Variants in VAC14 observed in about 807,000 individuals in gnomAD.
VAC14 encodes the protein VAC14 component of PIKFYVE complex.
In VAC14, 47 loss-of-function variants were observed where a neutral mutation model predicts 85.3. The ratio of observed to expected loss-of-function variants is 0.55; its 90% CI spans 0.44 to 0.70. The LOEUF (loss-of-function observed/expected upper bound fraction) is 0.70. VAC14 is among the 30% of genes least tolerant of loss of function. The pLI is 0.00. For synonymous variants in VAC14, 447 were observed against 430.5 expected (o/e 1.04, Z -0.47); for missense variants, 861 against 1,004.3 (o/e 0.86, Z 1.93).
intron 17 of VAC14, among the ~76,000 whole-genome samples, chr16:70,695,288 A>G (rs2053684338): frequency 2.0e-5 from 3 of 152,058 alleles, no homozygotes; most frequent in South Asian, 4.2e-4. Flanking sequence ...ATTTTTAAAA[A>G]ATTTTGTGCA....
At chr16:70,772,284 A>T in intron 9 of VAC14, 112 bp from the exon 10 acceptor site, 1 of 896,150 alleles carries the variant, frequency 1.1e-6, no homozygotes, top group Non-Finnish European at 1.8e-6. Context: ...ACCTTGATTC[A>T]GGCTCTTCAA....
At chr16:70,694,376 G>A (rs959178689) in intron 17 of VAC14, among the ~76,000 whole-genome samples, 3 of 152,200 alleles carry the variant, frequency 2.0e-5, no homozygotes, top group Non-Finnish European at 4.4e-5. Context: ...GAAGTGTCAC[G>A]CTGGGCACAC....
chr16:70,717,173 G>A (rs985843034), intron 14 of VAC14, among the ~76,000 whole-genome samples: 1 of 152,228 alleles, frequency 6.6e-6, no homozygotes, highest in African/African-American at 2.4e-5. Context: ...CCTTTTCAGG[G>A]CAATCAGCAC....
At chr16:70,716,704 T>C (rs2054174324) in intron 14 of VAC14, 1 of 152,264 alleles carries the variant, frequency 6.6e-6, no homozygotes, top group African/African-American at 2.4e-5. Context: ...GGCCCTGGTA[T>C]GAGGTGCTGG....
chr16:70,759,785 G>A (rs1486562740), intron 12 of VAC14, among the ~76,000 whole-genome samples: 3 of 152,142 alleles, frequency 2.0e-5, no homozygotes, highest in African/African-American at 7.2e-5. Context: ...CCACACACAA[G>A]CTCGCCTCCT....
At chr16:70,742,514 G>C (rs1417367270) in intron 13 of VAC14, among the ~76,000 whole-genome samples, 1 of 152,262 alleles carries the variant, frequency 6.6e-6, no homozygotes, top group Non-Finnish European at 1.5e-5. Context: ...GAGGGACAGA[G>C]GGTGGGAGTC....
chr16:70,752,141 G>A (rs777590192), intron 12 of VAC14, among the ~76,000 whole-genome samples: 1 of 152,190 alleles, frequency 6.6e-6, no homozygotes, highest in African/African-American at 2.4e-5. Flanking sequence ...TGGGGGATGA[G>A]GACAGCATTC....
chr16:70,707,177 C>T (rs1472278362), intron 14 of VAC14, among the ~76,000 whole-genome samples: 1 of 152,264 alleles, frequency 6.6e-6, no homozygotes, highest in African/African-American at 2.4e-5. Context: ...CTCTCTGCTT[C>T]CAAGTATGAA....
intron 14 of VAC14, among the ~76,000 whole-genome samples, chr16:70,729,908 T>C (rs58831231): frequency 1.3e-5 from 2 of 152,196 alleles, no homozygotes; most frequent in East Asian, 3.9e-4. Flanking sequence ...GAGAGCCTGG[T>C]ACAGCAAACT....
intron 14 of VAC14, among the ~76,000 whole-genome samples, chr16:70,717,625 G>A (rs773677785): frequency 6.6e-6 from 1 of 152,110 alleles, no homozygotes; most frequent in Non-Finnish European, 1.5e-5. Context: ...GACAGAAGAC[G>A]GGAGAGTGCT....
chr16:70,698,637 C>T lies in VAC14; in HGVS notation c.1836G>A (p.Leu612=). Residue 612 remains leucine, a splice_region_variant and synonymous_variant, in exon 15 of 19, where the codon CTG becomes CTA. Coordinates refer to ENST00000261776, the MANE Select transcript of VAC14 (RefSeq NM_018052.5). ...LRNQLKDLKT[L]ESQNLFCCLY... Reference sequence around the variant, plus strand: ...GGATGGAGTCCCGGACGCAGCCTACCAGGGTCTTCAGGTCCTTCAGCTGGT... The same window carrying T: ...GGATGGAGTCCCGGACGCAGCCTACTAGGGTCTTCAGGTCCTTCAGCTGGT... The T allele has an allele frequency of 6.2e-7, 1 of 1,614,094 alleles. No homozygotes were observed. The highest frequency in any genetic ancestry group is 8.5e-7 in the Non-Finnish European group (1 of 1,179,954).
intron 13 of VAC14, among the ~76,000 whole-genome samples, chr16:70,743,540 G>A (rs1249214566): frequency 6.6e-6 from 1 of 152,162 alleles, no homozygotes; most frequent in Admixed American, 6.5e-5. Flanking sequence ...GCAAGACCAC[G>A]AACCCACCGG....
At chr16:70,789,765 A>C (rs1221040401) in intron 1 of VAC14, among the ~76,000 whole-genome samples, 1 of 152,198 alleles carries the variant, frequency 6.6e-6, no homozygotes, top group African/African-American at 2.4e-5. Context: ...TTCTTGAAGA[A>C]TCCAGGATGT....
chr16:70,736,756 A>G (rs1295660454), intron 13 of VAC14, among the ~76,000 whole-genome samples: 4 of 152,182 alleles, frequency 2.6e-5, no homozygotes, highest in Non-Finnish European at 5.9e-5. Context: ...CAGCCCTCAC[A>G]GTGCTCCCAA....
intron 13 of VAC14, among the ~76,000 whole-genome samples, chr16:70,740,987 C>T (rs1020753303): frequency 6.6e-6 from 1 of 152,246 alleles, no homozygotes; most frequent in Non-Finnish European, 1.5e-5. Flanking sequence ...TCCACTGCTG[C>T]GTGTGATCCG....
At chr16:70,748,343 C>T (rs548478084) in intron 12 of VAC14, among the ~76,000 whole-genome samples, 9 of 152,248 alleles carry the variant, frequency 5.9e-5, no homozygotes, top group Admixed American at 2.6e-4. Flanking sequence ...CATGGACTCC[C>T]GGAGGAGTCA....
chr16:70,760,962 GGTGTGT>G (rs10671938), intron 12 of VAC14, among the ~76,000 whole-genome samples: 1,641 of 47,458 alleles, frequency 0.035, 38 homozygotes, highest in Middle Eastern at 0.067. Flanking sequence ...ACGAAGAGAG[GGTGTGT>G]GTGTGTGTGT....
chr16:70,727,538 C>T (rs2054465230), intron 14 of VAC14, among the ~76,000 whole-genome samples: 2 of 152,182 alleles, frequency 1.3e-5, no homozygotes, highest in South Asian at 4.1e-4. Context: ...CGGGGTTTCG[C>T]TATGTTGGCC....
intron 12 of VAC14, 101 bp from the exon 13 acceptor site, chr16:70,744,680 G>C: frequency 7.1e-7 from 1 of 1,416,182 alleles, no homozygotes; most frequent in Non-Finnish European, 9.4e-7. Flanking sequence ...TGCAGGGGTG[G>C]GAGGGGTCTG....
Sources: gnomAD v4.1 joint callset for allele counts (sites outside exome capture counted in the v4.1 genomes callset) on GRCh38, gnomAD v4.1.1 for gene constraint, MANE v1.5 for transcripts, NCBI Gene and HGNC (gene_info 2026-07-23, HGNC 2026-07-21) for gene names.